The following PGGT1B variants were observed in gnomAD, a reference collection of about 807,000 sequenced individuals.
PGGT1B encodes the protein protein geranylgeranyltransferase type I subunit beta, also known as geranylgeranyl transferase type-1 subunit beta.
In PGGT1B, 30 loss-of-function variants were observed where a neutral mutation model predicts 46.1. The observed-to-expected ratio is 0.65, with a 90% CI of 0.49 to 0.88. The LOEUF (loss-of-function observed/expected upper bound fraction) is 0.88, where lower values mean the gene tolerates loss of function less well. PGGT1B is among the 40% of genes least tolerant of loss of function. The pLI is 0.00. For synonymous variants in PGGT1B, 170 were observed against 160.0 expected (o/e 1.06, Z -0.47); for missense variants, 376 against 455.9 (o/e 0.82, Z 1.60).
intron 8 of PGGT1B, among the ~76,000 whole-genome samples, chr5:115,216,453 C>A (rs1050843753): frequency 5.3e-5 from 8 of 152,104 alleles, no homozygotes; most frequent in Non-Finnish European, 2.9e-5. Flanking sequence ...TTAATGACTT[C>A]TGAAAAGAGT....
intron 3 of PGGT1B, 74 bp downstream of exon 3, chr5:115,241,465 A>C: frequency 1.2e-6 from 1 of 849,422 alleles, no homozygotes; most frequent in Non-Finnish European, 1.8e-6. Context: ...TTTTCTGTGT[A>C]ACTTCTTAGT....
rs1756171539 is a variant in PGGT1B at position 115,209,865 on chromosome 5, T to G, written c.*2537A>C. ...TGTGTTAGGTTTTACCCTTATTTTA[T>G]CCACGGCAGAGTTAGGGTCCAAGAT... is the stretch of plus-strand genomic sequence containing the variant. On this transcript the variant is annotated 3_prime_UTR_variant, in exon 9 of 9. Coordinates refer to ENST00000419445, the MANE Select transcript of PGGT1B (RefSeq NM_005023.4). 6.6e-6 allele frequency: 1 copy of G among 152,102 alleles called. No individual in the cohort carries two copies. Among genetic ancestry groups the G allele is most frequent in the African/African-American group, 2.4e-5 (1 of 41,442 alleles). 9.4% of individuals were successfully genotyped at this position (152,102 alleles called of 1,614,324 possible).
chr5:115,255,674 T>C (rs538524971), intron 1 of PGGT1B, among the ~76,000 whole-genome samples: 194 of 152,254 alleles, frequency 1.3e-3, no homozygotes, highest in Non-Finnish European at 2.2e-3. Flanking sequence ...GTAAAAGCTA[T>C]GTAGTAAGAG....
intron 2 of PGGT1B, among the ~76,000 whole-genome samples, chr5:115,252,321 A>T (rs1748137027): frequency 6.6e-6 from 1 of 152,034 alleles, no homozygotes; most frequent in South Asian, 2.1e-4. Flanking sequence ...ATAGCCACAA[A>T]CTATGTTCAA....
chr5:115,217,025 T>A (rs561489960), intron 7 of PGGT1B, 52 bp from the exon 8 acceptor site: 2 of 817,838 alleles, frequency 2.4e-6, no homozygotes, highest in Non-Finnish European at 4.2e-6. Flanking sequence ...CATATCAACC[T>A]TTGGCTCAAA....
At chr5:115,259,743 G>A (rs73257437) in intron 1 of PGGT1B, among the ~76,000 whole-genome samples, 1,960 of 150,210 alleles carry the variant, frequency 0.013, 45 homozygotes, top group African/African-American at 0.045. Flanking sequence ...CAAAGTAGTT[G>A]CAGAATGGGA....
In PGGT1B at chr5:115,207,178, T is replaced by TAC. The variant is rs1756089038; in HGVS notation, c.*5222_*5223dup. 9.5e-6 allele frequency: 1 copy of TAC among 105,092 alleles called. No homozygotes were observed. The highest frequency in any genetic ancestry group is 3.8e-5 in the African/African-American group (1 of 26,220). The allele number at this position is 105,092 out of a possible 1,614,324, so 6.5% of individuals were successfully genotyped here. On this transcript the variant is annotated 3_prime_UTR_variant, in exon 9 of 9. Coordinates refer to ENST00000419445, the MANE Select transcript of PGGT1B (RefSeq NM_005023.4). ...TAACTAGTTTAGGTTTGCATATACA[T>TAC]ACATATATATATATATATATATATA...
At position 115,208,048 on chromosome 5, in the gene PGGT1B, C is replaced by G. The variant is rs1756114649; in HGVS notation, c.*4354G>C. The G allele has an allele frequency of 6.6e-6, 1 of 151,858 alleles. No homozygotes were observed. The highest frequency in any genetic ancestry group is 6.6e-5 in the Admixed American group (1 of 15,208). The allele number at this position is 151,858 out of a possible 1,614,324, so 9.4% of individuals were successfully genotyped here. A position where few individuals can be genotyped will look rare whatever the true frequency, so the allele number is the denominator to read the frequency against. On this transcript the variant is annotated 3_prime_UTR_variant, in exon 9 of 9. Coordinates refer to ENST00000419445, the MANE Select transcript of PGGT1B (RefSeq NM_005023.4). ...ACAGATTATCTAGTATTGAACTACC[C>G]TTGCATTCTTACAATAAACCCAACT...
At chr5:115,232,608 G>C (rs1488560880) in intron 5 of PGGT1B, among the ~76,000 whole-genome samples, 1 of 151,922 alleles carries the variant, frequency 6.6e-6, no homozygotes, top group Non-Finnish European at 1.5e-5. Context: ...GACAGGAAGA[G>C]TTTTCAAAGT....
chr5:115,214,523 T>A (rs1431315057), intron 8 of PGGT1B, among the ~76,000 whole-genome samples: 7 of 152,198 alleles, frequency 4.6e-5, no homozygotes, highest in Non-Finnish European at 1.0e-4. Flanking sequence ...TTTTAAAGAA[T>A]CTTGTTAAAA....
intron 4 of PGGT1B, among the ~76,000 whole-genome samples, chr5:115,237,635 G>T (rs1438219191): frequency 6.6e-6 from 1 of 152,084 alleles, no homozygotes; most frequent in Admixed American, 6.5e-5. Context: ...TTATTAAGAA[G>T]GAAGATAAAG....
chr5:115,257,458 G>A (rs541126047), intron 1 of PGGT1B, among the ~76,000 whole-genome samples: 1 of 146,146 alleles, frequency 6.8e-6, no homozygotes, highest in East Asian at 2.0e-4. Context: ...AGGTTACAGT[G>A]AGCTGAGGTT....
chr5:115,253,024 C>T (rs773669344), intron 2 of PGGT1B, 113 bp downstream of exon 2: 9 of 901,396 alleles, frequency 1.0e-5, no homozygotes, highest in South Asian at 1.6e-5. Flanking sequence ...AACAAAATCA[C>T]AGATAAATAA....
intron 7 of PGGT1B, among the ~76,000 whole-genome samples, chr5:115,217,201 G>C (rs1490250967): frequency 2.6e-5 from 4 of 151,614 alleles, no homozygotes; most frequent in African/African-American, 9.7e-5. Flanking sequence ...TTCTGAACCA[G>C]GCCAACTGAA....
intron 6 of PGGT1B, among the ~76,000 whole-genome samples, chr5:115,223,182 C>A (rs1156700711): frequency 6.6e-6 from 1 of 151,698 alleles, no homozygotes; most frequent in Middle Eastern, 3.4e-3. Context: ...AAGAGGGAAA[C>A]CAAATATGAA....
At chr5:115,257,323 G>C (rs1457755800) in intron 1 of PGGT1B, among the ~76,000 whole-genome samples, 1 of 151,998 alleles carries the variant, frequency 6.6e-6, no homozygotes, top group South Asian at 2.1e-4. Context: ...GACCAGCCTG[G>C]CCAACATGAT....
chr5:115,254,292 T>G (rs912737301), intron 1 of PGGT1B, among the ~76,000 whole-genome samples: 1 of 151,376 alleles, frequency 6.6e-6, no homozygotes, highest in Non-Finnish European at 1.5e-5. Context: ...AGATTTCAGA[T>G]TTTTTTTTGA....
intron 6 of PGGT1B, among the ~76,000 whole-genome samples, chr5:115,229,994 G>A (rs943234231): frequency 2.0e-5 from 3 of 152,036 alleles, no homozygotes; most frequent in African/African-American, 7.2e-5. Context: ...ATACTTGATA[G>A]GACAAAATCC....
intron 7 of PGGT1B, among the ~76,000 whole-genome samples, chr5:115,219,530 T>A (rs1003694855): frequency 6.6e-6 from 1 of 151,834 alleles, no homozygotes; most frequent in African/African-American, 2.4e-5. Context: ...TTTACGACCG[T>A]GGATTCAGCA....
Sources: gnomAD v4.1 joint callset for allele counts (sites outside exome capture counted in the v4.1 genomes callset) on GRCh38, gnomAD v4.1.1 for gene constraint, MANE v1.5 for transcripts, NCBI Gene and HGNC (gene_info 2026-07-23, HGNC 2026-07-21) for gene names.